Variants in CCDC178 observed in about 807,000 individuals in gnomAD.
CCDC178 encodes the protein coiled-coil domain containing 178, also known as coiled-coil domain-containing protein 178.
CCDC178 carries 126 observed loss-of-function variants against 117.4 expected under a neutral mutation model. That is an observed-to-expected ratio of 1.07 (90% CI 0.93 to 1.24). The LOEUF (loss-of-function observed/expected upper bound fraction) is 1.24. Among genes scored for constraint, CCDC178 ranks in the 50% most tolerant of loss-of-function variants. The pLI is 0.00. For synonymous variants in CCDC178, 283 were observed against 313.4 expected, an observed-to-expected ratio of 0.90 and a Z score of 1.02; for missense variants, 1,030 against 986.9, an observed-to-expected ratio of 1.04 and a Z score of -0.59.
intron 5 of CCDC178, among the ~76,000 whole-genome samples, chr18:33,388,337 T>G (rs1391461003): frequency 6.6e-6 from 1 of 152,042 alleles, no homozygotes; most frequent in Non-Finnish European, 1.5e-5. Flanking sequence ...GAAATACCAT[T>G]TGACCCAGCA....
At chr18:33,376,393 T>C (rs151133304) in intron 5 of CCDC178, among the ~76,000 whole-genome samples, 1 of 152,270 alleles carries the variant, frequency 6.6e-6, no homozygotes, top group Admixed American at 6.5e-5. Flanking sequence ...ATAAAACTTT[T>C]AATTAGCCTT....
intron 21 of CCDC178, among the ~76,000 whole-genome samples, chr18:33,022,374 A>G (rs1308212524): frequency 5.3e-5 from 8 of 152,218 alleles, no homozygotes. Flanking sequence ...TGAGTTTTCT[A>G]AATTATATTT....
intron 2 of CCDC178, among the ~76,000 whole-genome samples, chr18:33,432,475 CCATACACA>C (rs1465423783): frequency 5.9e-5 from 6 of 101,686 alleles, no homozygotes; most frequent in South Asian, 3.8e-4. Flanking sequence ...CATGCCTTCT[CCATACACA>C]CACACACACA....
chr18:33,352,137 G>A (rs1448898184), intron 7 of CCDC178, among the ~76,000 whole-genome samples: 1 of 152,056 alleles, frequency 6.6e-6, no homozygotes, highest in Non-Finnish European at 1.5e-5. Flanking sequence ...ACCCCTTCCT[G>A]AGACAGTTTT....
At chr18:33,425,627 T>C (rs896798134) in intron 2 of CCDC178, among the ~76,000 whole-genome samples, 3 of 152,180 alleles carry the variant, frequency 2.0e-5, no homozygotes, top group Non-Finnish European at 4.4e-5. Flanking sequence ...CAGGTGTCTG[T>C]ATCTGATCCA....
At chr18:33,239,177 A>T (rs536056579) in intron 15 of CCDC178, among the ~76,000 whole-genome samples, 206 of 152,230 alleles carry the variant, frequency 1.4e-3, no homozygotes, top group African/African-American at 4.7e-3. Flanking sequence ...ATGCAAAACT[A>T]TAAGACTCAC....
chr18:32,993,024 G>A (rs182678269), intron 21 of CCDC178, among the ~76,000 whole-genome samples: 12 of 152,098 alleles, frequency 7.9e-5, no homozygotes, highest in African/African-American at 2.4e-4. Context: ...AAATTAGCAG[G>A]GCGTGGTGGC....
At chr18:33,232,434 T>C (rs767131285) in intron 15 of CCDC178, among the ~76,000 whole-genome samples, 3 of 152,328 alleles carry the variant, frequency 2.0e-5, no homozygotes, top group South Asian at 2.1e-4. Flanking sequence ...AGAGAATTTA[T>C]GTTATGTAAG....
At chr18:33,220,592 A>G (rs1052983856) in intron 18 of CCDC178, among the ~76,000 whole-genome samples, 2 of 152,080 alleles carry the variant, frequency 1.3e-5, no homozygotes, top group African/African-American at 4.8e-5. Context: ...TATAAACCTC[A>G]GCTTTTAATT....
intron 21 of CCDC178, among the ~76,000 whole-genome samples, chr18:32,985,483 A>T (rs1359073125): frequency 6.6e-6 from 1 of 151,986 alleles, no homozygotes; most frequent in Non-Finnish European, 1.5e-5. Flanking sequence ...GGCAAGAGTA[A>T]GAAGAAAATC....
chr18:33,163,589 A>G (rs569167036), intron 20 of CCDC178, among the ~76,000 whole-genome samples: 10 of 152,350 alleles, frequency 6.6e-5, no homozygotes, highest in South Asian at 2.1e-4. Flanking sequence ...TTTCATATGC[A>G]ATAAATCAAT....
intron 3 of CCDC178, among the ~76,000 whole-genome samples, chr18:33,406,009 G>T (rs549685065): frequency 6.6e-6 from 1 of 151,984 alleles, no homozygotes; most frequent in African/African-American, 2.4e-5. Flanking sequence ...GAATGCAAAG[G>T]CAAGAAAAGC....
chr18:33,393,108 C>T (rs982828540), intron 4 of CCDC178, among the ~76,000 whole-genome samples: 1 of 152,138 alleles, frequency 6.6e-6, no homozygotes, highest in African/African-American at 2.4e-5. Flanking sequence ...GACACCACAA[C>T]TCCAAGACTG....
At chr18:33,265,472 A>G (rs2059801524) in intron 14 of CCDC178, among the ~76,000 whole-genome samples, 6 of 152,070 alleles carry the variant, frequency 3.9e-5, no homozygotes, top group Admixed American at 3.9e-4. Context: ...AGTCAGCTGT[A>G]ATCTTAAGGA....
intron 16 of CCDC178, among the ~76,000 whole-genome samples, chr18:33,225,998 C>T (rs1204517931): frequency 6.6e-6 from 1 of 152,042 alleles, no homozygotes; most frequent in African/African-American, 2.4e-5. Context: ...CCTGTCTCTA[C>T]TAAAAATACA....
At chr18:33,238,985 A>T (rs1396040629) in intron 15 of CCDC178, among the ~76,000 whole-genome samples, 6 of 151,934 alleles carry the variant, frequency 3.9e-5, no homozygotes, top group Non-Finnish European at 1.5e-5. Flanking sequence ...TAAAAGGCTT[A>T]AAAAAAACCC....
chr18:33,114,477 G>T (rs56983919), intron 20 of CCDC178, among the ~76,000 whole-genome samples: 6,733 of 151,972 alleles, frequency 0.044, 202 homozygotes, highest in East Asian at 0.11. Flanking sequence ...GTTCATAATG[G>T]TTAATAACTA....
intron 21 of CCDC178, among the ~76,000 whole-genome samples, chr18:33,066,063 G>A (rs1328467724): frequency 6.6e-6 from 1 of 151,702 alleles, no homozygotes; most frequent in Non-Finnish European, 1.5e-5. Context: ...GGGTTTTACC[G>A]TGTTGGCCAG....
chr18:33,323,494 T>A lies in CCDC178; in HGVS notation c.1019A>T (p.Tyr340Phe), dbSNP rs912030354. The A allele has an allele frequency of 6.7e-7, 1 of 1,501,070 alleles. No individual in the cohort carries two copies. The highest frequency in any genetic ancestry group is 8.9e-7 in the Non-Finnish European group (1 of 1,127,812). The allele number at this position is 1,501,070 out of a possible 1,614,324, so 93.0% of individuals were successfully genotyped here. The change falls in exon 11 of 23, where the codon TAC becomes TTC. Residue 340 changes from tyrosine (Y) to phenylalanine (F), a missense_variant. By Grantham distance (22) the Tyr-to-Phe change is conservative. Transcript: ENST00000383096. ...IYQDEKTIEA[Y>F]KREIYQLNSL... ...AGTGTTTGCGAAAAATTCTTACTTG[T>A]AGGCCTCTATGGTTTTTTCATCCTG...
Sources: gnomAD v4.1 joint callset for allele counts (sites outside exome capture counted in the v4.1 genomes callset) on GRCh38, gnomAD v4.1.1 for gene constraint, MANE v1.5 for transcripts, NCBI Gene and HGNC (gene_info 2026-07-23, HGNC 2026-07-21) for gene names.